Variants in LRP1B observed in about 807,000 individuals in gnomAD.
LRP1B encodes low-density lipoprotein receptor-related protein 1B.
In LRP1B, 217 loss-of-function variants were observed where a neutral mutation model predicts 556.6. The ratio of observed to expected loss-of-function variants is 0.39; its 90% CI spans 0.35 to 0.44. LRP1B has a LOEUF of 0.44. Among genes scored for constraint, LRP1B ranks in the 20% least tolerant of loss-of-function variants. LRP1B has a pLI of 1.00. For missense variants in LRP1B, 5,053 were observed against 5,620.8 expected, an observed-to-expected ratio of 0.90 and a Z score of 3.23; for synonymous variants, 2,047 against 1,865.8, an observed-to-expected ratio of 1.10 and a Z score of -2.50.
chr2:141,080,930 T>C (rs1699906927), intron 7 of LRP1B, among the ~76,000 whole-genome samples: 1 of 152,206 alleles, frequency 6.6e-6, no homozygotes, highest in African/African-American at 2.4e-5. Context: ...ACCCACCTTG[T>C]ATAGGCTGCC....
intron 7 of LRP1B, among the ~76,000 whole-genome samples, chr2:141,156,757 G>A (rs901169656): frequency 6.6e-6 from 1 of 152,034 alleles, no homozygotes; most frequent in Non-Finnish European, 1.5e-5. Context: ...GAAACCCAAT[G>A]GCATATGTGC....
intron 2 of LRP1B, among the ~76,000 whole-genome samples, chr2:141,755,834 T>C (rs1694299941): frequency 6.6e-6 from 1 of 152,116 alleles, no homozygotes; most frequent in Middle Eastern, 3.4e-3. Context: ...AGCTGAAGTG[T>C]AGATTTATAT....
At chr2:141,907,897 C>T (rs1452292947) in intron 1 of LRP1B, among the ~76,000 whole-genome samples, 1 of 151,920 alleles carries the variant, frequency 6.6e-6, no homozygotes, top group Non-Finnish European at 1.5e-5. Context: ...CAGGTAGGCA[C>T]TAGATTTTCC....
intron 14 of LRP1B, among the ~76,000 whole-genome samples, chr2:141,006,276 T>A (rs1697572819): frequency 6.6e-6 from 1 of 152,046 alleles, no homozygotes; most frequent in Non-Finnish European, 1.5e-5. Flanking sequence ...ATTTATTATT[T>A]CTTTATGTTG....
At chr2:141,707,631 T>A (rs1212075667) in intron 2 of LRP1B, among the ~76,000 whole-genome samples, 1 of 152,202 alleles carries the variant, frequency 6.6e-6, no homozygotes, top group African/African-American at 2.4e-5. Flanking sequence ...CTTTATGTTC[T>A]TTGGTCAAAA....
At chr2:140,547,066 G>A (rs1024505810) in intron 43 of LRP1B, among the ~76,000 whole-genome samples, 1 of 152,084 alleles carries the variant, frequency 6.6e-6, no homozygotes, top group African/African-American at 2.4e-5. Flanking sequence ...GTATTTTCTT[G>A]AGAACTTTTG....
intron 60 of LRP1B, among the ~76,000 whole-genome samples, chr2:140,465,754 T>A (rs569100484): frequency 3.3e-5 from 5 of 150,108 alleles, no homozygotes; most frequent in Non-Finnish European, 7.4e-5. Context: ...TCCCTAAACA[T>A]ATATGCAAAT....
intron 1 of LRP1B, among the ~76,000 whole-genome samples, chr2:141,983,831 CG>C (rs753451078): frequency 2.0e-5 from 3 of 152,144 alleles, no homozygotes; most frequent in Non-Finnish European, 2.9e-5. Context: ...CAGACCAAGA[CG>C]GGCAGATCAC....
At chr2:140,798,956 G>T (rs1298457731) in intron 32 of LRP1B, among the ~76,000 whole-genome samples, 1 of 152,074 alleles carries the variant, frequency 6.6e-6, no homozygotes, top group African/African-American at 2.4e-5. Flanking sequence ...ACTAATGTGT[G>T]TAAGTTATCC....
At chr2:141,740,869 T>C (rs964981365) in intron 2 of LRP1B, among the ~76,000 whole-genome samples, 9 of 152,122 alleles carry the variant, frequency 5.9e-5, no homozygotes, top group African/African-American at 2.2e-4. Context: ...CCATGTTTTT[T>C]TCCTTTTTTG....
chr2:140,976,871 T>C (rs1696617845), intron 18 of LRP1B, among the ~76,000 whole-genome samples: 1 of 152,132 alleles, frequency 6.6e-6, no homozygotes, highest in Non-Finnish European at 1.5e-5. Context: ...AGGCTTCTAA[T>C]GAATTAGGTA....
At chr2:141,735,595 C>A (rs532752478) in intron 2 of LRP1B, among the ~76,000 whole-genome samples, 8 of 151,924 alleles carry the variant, frequency 5.3e-5, no homozygotes, top group African/African-American at 1.9e-4. Context: ...TCCATTACTG[C>A]CCAGTGGAAG....
chr2:141,285,541 C>T (rs1323537581), intron 3 of LRP1B, among the ~76,000 whole-genome samples: 5 of 145,352 alleles, frequency 3.4e-5, no homozygotes, highest in Admixed American at 6.8e-5. Context: ...CTGCAACCTC[C>T]GCCTCCCAGG....
At chr2:141,644,007 A>AGT (rs35844486) in intron 2 of LRP1B, among the ~76,000 whole-genome samples, 5,696 of 142,278 alleles carry the variant, frequency 0.04, 195 homozygotes, top group African/African-American at 0.073. Context: ...GAGAATGTGG[A>AGT]GAGTGTGTGT....
chr2:141,752,945 G>GA (rs70994450), intron 2 of LRP1B, among the ~76,000 whole-genome samples: 3,511 of 28,234 alleles, frequency 0.12, 714 homozygotes, highest in African/African-American at 0.3. Flanking sequence ...CCCTGTCTCA[G>GA]AAAAAAAAAA....
chr2:142,063,392 T>C (rs34392492), intron 1 of LRP1B, among the ~76,000 whole-genome samples: 65,547 of 151,270 alleles, frequency 0.43, 16,065 homozygotes, highest in East Asian at 0.69. Context: ...CTTAGAAAGT[T>C]AAATTCTTAA....
intron 18 of LRP1B, among the ~76,000 whole-genome samples, chr2:140,974,447 T>C (rs76317624): frequency 0.033 from 4,997 of 152,300 alleles, 98 homozygotes; most frequent in East Asian, 0.048. Flanking sequence ...TCTGCAACTT[T>C]GCACACACAA....
intron 2 of LRP1B, among the ~76,000 whole-genome samples, chr2:141,729,304 TTC>T (rs753303454): frequency 0.036 from 5,238 of 144,448 alleles, 134 homozygotes; most frequent in South Asian, 0.064. Context: ...TGCTATGCTA[TTC>T]TTTTTTTTTA....
chr2:142,040,624 G>GTT (rs397770023), intron 1 of LRP1B, among the ~76,000 whole-genome samples: 3,829 of 143,710 alleles, frequency 0.027, 73 homozygotes, highest in Admixed American at 0.057. Context: ...CAGTACTGAG[G>GTT]TTTTTTTTTT....
Sources: gnomAD v4.1 joint callset for allele counts (sites outside exome capture counted in the v4.1 genomes callset) on GRCh38, gnomAD v4.1.1 for gene constraint, MANE v1.5 for transcripts, NCBI Gene and HGNC (gene_info 2026-07-23, HGNC 2026-07-21) for gene names.